DOCK4: variants seen among roughly 807,000 people sequenced by gnomAD.
The protein encoded by DOCK4 is dedicator of cytokinesis protein 4.
Under a neutral mutation model 268.1 loss-of-function variants are expected in DOCK4, and 97 were observed. The ratio of observed to expected loss-of-function variants is 0.36; its 90% CI spans 0.31 to 0.43. The LOEUF (loss-of-function observed/expected upper bound fraction) is 0.43. Ranked by LOEUF, DOCK4 falls within the 20% of genes least tolerant of loss-of-function variation. DOCK4 has a pLI of 1.00. For missense variants in DOCK4, 2,145 were observed against 2,455.7 expected, an observed-to-expected ratio of 0.87 and a Z score of 2.67; for synonymous variants, 954 against 887.2, an observed-to-expected ratio of 1.08 and a Z score of -1.34.
intron 13 of DOCK4, among the ~76,000 whole-genome samples, chr7:111,908,594 C>T (rs925894985): frequency 3.3e-5 from 5 of 151,918 alleles, no homozygotes; most frequent in African/African-American, 1.2e-4. Flanking sequence ...AGGTTTGATA[C>T]ATAGGTATAC....
intron 1 of DOCK4, among the ~76,000 whole-genome samples, chr7:112,016,994 AT>A (rs1250387686): frequency 1.3e-5 from 2 of 152,230 alleles, no homozygotes; most frequent in African/African-American, 4.8e-5. Flanking sequence ...GGGTCCTACG[AT>A]TAACTGTAAT....
intron 1 of DOCK4, among the ~76,000 whole-genome samples, chr7:112,158,920 G>A (rs1816847006): frequency 6.6e-6 from 1 of 152,112 alleles, no homozygotes; most frequent in African/African-American, 2.4e-5. Context: ...TTACACGGCA[G>A]GTAAAGTTCA....
At chr7:111,945,058 G>A (rs1795509862) in intron 9 of DOCK4, among the ~76,000 whole-genome samples, 187 bp from the exon 10 acceptor site, 1 of 152,296 alleles carries the variant, frequency 6.6e-6, no homozygotes, top group African/African-American at 2.4e-5. Context: ...TAGGTCAATT[G>A]ATACCAAGTA....
At chr7:111,996,209 T>C (rs1008599803) in intron 4 of DOCK4, among the ~76,000 whole-genome samples, 1 of 152,202 alleles carries the variant, frequency 6.6e-6, no homozygotes, top group Non-Finnish European at 1.5e-5. Flanking sequence ...CCTACATTGA[T>C]CTGAAGACAC....
At chr7:111,732,098 A>G (rs959205358) in intron 52 of DOCK4, 128 bp downstream of exon 52, 5 of 920,742 alleles carry the variant, frequency 5.4e-6, no homozygotes, top group South Asian at 1.7e-5. Flanking sequence ...AGCTTCCCCT[A>G]TCCCTGATTG....
chr7:112,048,180 G>C (rs1804993000), intron 1 of DOCK4, among the ~76,000 whole-genome samples: 1 of 152,004 alleles, frequency 6.6e-6, no homozygotes, highest in South Asian at 2.1e-4. Context: ...TGAAGCACAT[G>C]CATAAGAAAC....
At position 111,901,671 on chromosome 7, in the gene DOCK4, A is replaced by C. The variant is rs772986967; in HGVS notation, c.1317+6T>G. On this transcript the variant is annotated splice_donor_region_variant and intron_variant, in intron 14 of 52. Coordinates refer to ENST00000428084, the MANE Select transcript of DOCK4 (RefSeq NM_001363540.2). ...TTTGACCTGGAAATATCAAGTATTA[A>C]CATACCTTCAGGGTTTGGCCACTAC... 5.0e-6 allele frequency: 8 copies of C among 1,613,372 alleles called. No homozygotes were observed. In the East Asian group the frequency reaches 1.8e-4, roughly 36 times the overall value.
intron 1 of DOCK4, among the ~76,000 whole-genome samples, chr7:112,013,877 C>A (rs903895578): frequency 6.6e-6 from 1 of 152,140 alleles, no homozygotes; most frequent in Non-Finnish European, 1.5e-5. Context: ...CCACACCAAT[C>A]CCATTTACGT....
chr7:111,748,093 T>C (rs1454592027), intron 42 of DOCK4, among the ~76,000 whole-genome samples: 2 of 152,102 alleles, frequency 1.3e-5, no homozygotes, highest in African/African-American at 4.8e-5. Context: ...ATTGTGAAAA[T>C]GATAAAAGTG....
chr7:111,741,999 C>A lies in DOCK4; in HGVS notation c.4797+14G>T. 2 of 1,573,146 alleles carry A rather than the reference C, an allele frequency of 1.3e-6. No homozygotes were observed. The highest frequency in any genetic ancestry group is 1.7e-4 in the Middle Eastern group (1 of 5,862). On this transcript the variant is annotated intron_variant, in intron 45 of 52. Transcript: ENST00000428084. ...GATCAGGCTGCCCCGCCATGGACAC[C>A]TAAGTATACATACCTGTATCCCTAA...
chr7:112,145,410 T>TG (rs1040365204), intron 1 of DOCK4, among the ~76,000 whole-genome samples: 1 of 152,182 alleles, frequency 6.6e-6, no homozygotes. Context: ...AAGATTGGTT[T>TG]GGCTCACATA....
rs147305593 is a variant in DOCK4, at chr7:112,099,600, A to C, written c.38-95469T>G. ...CATAGCACATGGTCAGTATTCATTA[A>C]AATTGATAAGTTGATTGACTGAATT... On this transcript the variant is annotated intron_variant, in intron 1 of 52. Coordinates refer to ENST00000428084, the MANE Select transcript of DOCK4 (RefSeq NM_001363540.2). 6.8e-4 allele frequency among the ~76,000 whole-genome samples: 104 copies of C among 152,340 alleles called. 2 individuals are homozygous for C. In the Middle Eastern group the frequency reaches 0.014, roughly 20 times the overall value.
At chr7:111,734,142 T>A (rs372042510) in intron 51 of DOCK4, among the ~76,000 whole-genome samples, 7 of 151,988 alleles carry the variant, frequency 4.6e-5, no homozygotes, top group African/African-American at 1.7e-4. Context: ...GGTTTTGCCA[T>A]GTTGTACAGG....
chr7:112,021,897 C>T (rs1288702272), intron 1 of DOCK4, among the ~76,000 whole-genome samples: 2 of 152,076 alleles, frequency 1.3e-5, no homozygotes, highest in Non-Finnish European at 2.9e-5. Flanking sequence ...ACAGAGTAGG[C>T]CCAGTACAAA....
intron 11 of DOCK4, 45 bp downstream of exon 11, chr7:111,940,065 T>C (rs370706524): frequency 1.6e-5 from 26 of 1,605,360 alleles, no homozygotes; most frequent in East Asian, 1.6e-4. Context: ...GACCCACATG[T>C]ACCCCTGTGC....
At chr7:112,121,920 G>A (rs1812766821) in intron 1 of DOCK4, among the ~76,000 whole-genome samples, 2 of 152,086 alleles carry the variant, frequency 1.3e-5, no homozygotes, top group African/African-American at 4.8e-5. Flanking sequence ...AGAGTATATA[G>A]TATAGAATTC....
intron 1 of DOCK4, among the ~76,000 whole-genome samples, chr7:112,046,279 T>A (rs2135530480): frequency 6.6e-6 from 1 of 152,288 alleles, no homozygotes. Flanking sequence ...TCTATACAAC[T>A]TTGGAATTCT....
chr7:111,988,809 C>G (rs1799258901), intron 6 of DOCK4, among the ~76,000 whole-genome samples: 2 of 152,192 alleles, frequency 1.3e-5, no homozygotes, highest in Non-Finnish European at 2.9e-5. Flanking sequence ...TACTAGACAA[C>G]AAACGACATT....
At chr7:111,900,667 C>A in intron 14 of DOCK4, 131 bp from the exon 15 acceptor site, 1 of 930,932 alleles carries the variant, frequency 1.1e-6, no homozygotes, top group African/African-American at 1.7e-5. Flanking sequence ...TGGGCCTTTG[C>A]CGTGTGTTTC....
Sources: gnomAD v4.1 joint callset for allele counts (sites outside exome capture counted in the v4.1 genomes callset) on GRCh38, gnomAD v4.1.1 for gene constraint, MANE v1.5 for transcripts, NCBI Gene and HGNC (gene_info 2026-07-23, HGNC 2026-07-21) for gene names.